Variants in MLLT3 observed in about 807,000 individuals in gnomAD.
MLLT3 encodes MLLT3 super elongation complex subunit.
In MLLT3, 4 loss-of-function variants were observed where a neutral mutation model predicts 53.2. The ratio of observed to expected loss-of-function variants is 0.08; its 90% confidence interval spans 0.04 to 0.17. The LOEUF (loss-of-function observed/expected upper bound fraction) is 0.17, where lower values mean the gene tolerates loss of function less well. MLLT3 is among the 10% of genes least tolerant of loss of function. MLLT3 has a pLI of 1.00. For synonymous variants in MLLT3, 283 were observed against 230.6 expected, an observed-to-expected ratio of 1.23 and a Z score of -2.06; for missense variants, 569 against 684.0, an observed-to-expected ratio of 0.83 and a Z score of 1.87.
chr9:20,554,044 A>C (rs1818994626), intron 2 of MLLT3, among the ~76,000 whole-genome samples: 1 of 152,184 alleles, frequency 6.6e-6, no homozygotes, highest in African/African-American at 2.4e-5. Flanking sequence ...TTTCTTCCAC[A>C]TAAGAATTTT....
intron 6 of MLLT3, among the ~76,000 whole-genome samples, chr9:20,365,101 T>C (rs1014969730): frequency 2.6e-5 from 4 of 152,244 alleles, no homozygotes; most frequent in African/African-American, 9.6e-5. Flanking sequence ...TGCTATTGTA[T>C]TTCCTTTGGG....
At chr9:20,618,683 T>C (rs1388531749) in intron 2 of MLLT3, among the ~76,000 whole-genome samples, 2 of 152,210 alleles carry the variant, frequency 1.3e-5, no homozygotes, top group Admixed American at 6.5e-5. Context: ...TCAAGCAGCT[T>C]ACCACGCCTA....
chr9:20,590,235 T>C (rs1392110314), intron 2 of MLLT3, among the ~76,000 whole-genome samples: 1 of 152,168 alleles, frequency 6.6e-6, no homozygotes, highest in East Asian at 1.9e-4. Flanking sequence ...GAAGTCAGGG[T>C]AGATGAAAAT....
At chr9:20,380,881 C>T (rs553422653) in intron 5 of MLLT3, among the ~76,000 whole-genome samples, 55 of 151,918 alleles carry the variant, frequency 3.6e-4, no homozygotes, top group South Asian at 2.1e-3. Context: ...ACTAAAAATG[C>T]GAAAGAAAGC....
intron 3 of MLLT3, among the ~76,000 whole-genome samples, chr9:20,453,952 T>C (rs771169785): frequency 2.0e-5 from 3 of 152,182 alleles, no homozygotes; most frequent in Non-Finnish European, 4.4e-5. Flanking sequence ...ACAGCAATCA[T>C]TATTATGTAT....
At chr9:20,453,141 G>A (rs1226018566) in intron 3 of MLLT3, among the ~76,000 whole-genome samples, 1 of 152,134 alleles carries the variant, frequency 6.6e-6, no homozygotes, top group African/African-American at 2.4e-5. Context: ...AAGTGGCAAA[G>A]CAATAATTCC....
chr9:20,402,731 T>TA (rs1222268633), intron 5 of MLLT3, among the ~76,000 whole-genome samples: 2 of 152,184 alleles, frequency 1.3e-5, no homozygotes, highest in Admixed American at 1.3e-4. Context: ...CAATAAAGGA[T>TA]GACCAGGACA....
intron 2 of MLLT3, among the ~76,000 whole-genome samples, chr9:20,490,486 T>C (rs1243399383): frequency 1.3e-5 from 2 of 152,206 alleles, no homozygotes; most frequent in Non-Finnish European, 2.9e-5. Flanking sequence ...CAGCTAACAG[T>C]TGGCAAAGAA....
chr9:20,619,804 GT>G (rs1033277919), intron 2 of MLLT3, among the ~76,000 whole-genome samples: 1 of 152,180 alleles, frequency 6.6e-6, no homozygotes, highest in Non-Finnish European at 1.5e-5. Flanking sequence ...TATGGAAAAT[GT>G]TTGGGACCAC....
chr9:20,580,188 T>C (rs987815359), intron 2 of MLLT3, among the ~76,000 whole-genome samples: 1 of 152,186 alleles, frequency 6.6e-6, no homozygotes, highest in African/African-American at 2.4e-5. Context: ...TGCTATCCAC[T>C]ACTTTACTCT....
chr9:20,577,875 T>C (rs1204333016), intron 2 of MLLT3, among the ~76,000 whole-genome samples: 1 of 152,238 alleles, frequency 6.6e-6, no homozygotes, highest in Non-Finnish European at 1.5e-5. Flanking sequence ...ACAGCAGACA[T>C]AGCAGTTTTC....
chr9:20,530,652 T>C (rs1050187087), intron 2 of MLLT3, among the ~76,000 whole-genome samples: 1 of 152,240 alleles, frequency 6.6e-6, no homozygotes, highest in Non-Finnish European at 1.5e-5. Context: ...TAAACCATGA[T>C]TCCAAAAGTC....
intron 2 of MLLT3, among the ~76,000 whole-genome samples, chr9:20,537,151 A>G (rs1321260473): frequency 6.6e-6 from 1 of 152,222 alleles, no homozygotes; most frequent in African/African-American, 2.4e-5. Flanking sequence ...TCTCTTAACT[A>G]CAGATATTTA....
intron 2 of MLLT3, among the ~76,000 whole-genome samples, chr9:20,497,758 A>C (rs1825114840): frequency 6.6e-6 from 1 of 152,120 alleles, no homozygotes; most frequent in Non-Finnish European, 1.5e-5. Context: ...AAAAGTTCTT[A>C]TGAACTTGTA....
At chr9:20,408,319 G>T (rs1223980784) in intron 5 of MLLT3, among the ~76,000 whole-genome samples, 1 of 151,076 alleles carries the variant, frequency 6.6e-6, no homozygotes, top group African/African-American at 2.4e-5. Flanking sequence ...AATAAACCAG[G>T]AATATGGATG....
chr9:20,591,764 G>A (rs1441578601), intron 2 of MLLT3, among the ~76,000 whole-genome samples: 1 of 152,174 alleles, frequency 6.6e-6, no homozygotes, highest in Non-Finnish European at 1.5e-5. Flanking sequence ...TCAAAAAAAA[G>A]TTTTTGTGAC....
chr9:20,518,723 T>C (rs1182016029), intron 2 of MLLT3, among the ~76,000 whole-genome samples: 3 of 152,216 alleles, frequency 2.0e-5, no homozygotes, highest in African/African-American at 7.2e-5. Context: ...TTATCGAATG[T>C]ATGGAGTCCT....
intron 5 of MLLT3, among the ~76,000 whole-genome samples, chr9:20,375,610 CTT>C (rs1307638910): frequency 9.5e-5 from 9 of 94,804 alleles, no homozygotes; most frequent in East Asian, 3.7e-4. Context: ...TTTTTCTTTT[CTT>C]TTTTTTTTTT....
At chr9:20,375,591 A>ATTTT (rs111532941) in intron 5 of MLLT3, among the ~76,000 whole-genome samples, 2 of 126,138 alleles carry the variant, frequency 1.6e-5, no homozygotes, top group African/African-American at 3.8e-5. Context: ...TATTTCAGTA[A>ATTTT]TTTTTTTTTT....
Sources: allele counts gnomAD v4.1 joint callset (sites outside exome capture counted in the v4.1 genomes callset), GRCh38; gene constraint gnomAD v4.1.1; transcripts MANE v1.5; gene names NCBI Gene and HGNC (gene_info 2026-07-23, HGNC 2026-07-21).